CNBD1: variants seen among roughly 807,000 people sequenced by gnomAD.
The protein encoded by CNBD1 is cyclic nucleotide binding domain containing 1, also known as cyclic nucleotide-binding domain-containing protein 1.
A neutral mutation model predicts 54.4 loss-of-function variants in CNBD1; 71 were observed. That is an observed-to-expected ratio of 1.30 (90% CI 1.08 to 1.59). The LOEUF (loss-of-function observed/expected upper bound fraction) is 1.59. Among genes scored for constraint, CNBD1 ranks in the 40% most tolerant of loss-of-function variants. CNBD1 has a pLI of 0.00. For synonymous variants in CNBD1, 182 were observed against 170.7 expected, an observed-to-expected ratio of 1.07 and a Z score of -0.51; for missense variants, 659 against 518.0, an observed-to-expected ratio of 1.27 and a Z score of -2.64.
At chr8:86,951,859 G>T (rs912291849) in intron 4 of CNBD1, among the ~76,000 whole-genome samples, 1 of 151,870 alleles carries the variant, frequency 6.6e-6, no homozygotes, top group Non-Finnish European at 1.5e-5. Flanking sequence ...AAATCAAGCT[G>T]GGAAGTACTT....
chr8:86,978,987 G>T (rs562716208), intron 4 of CNBD1, among the ~76,000 whole-genome samples: 6 of 152,028 alleles, frequency 3.9e-5, no homozygotes, highest in Admixed American at 1.3e-4. Context: ...GTTATACAAT[G>T]TAACTTTTCA....
At chr8:87,224,928 G>A (rs1266248107) in intron 5 of CNBD1, among the ~76,000 whole-genome samples, 2 of 152,234 alleles carry the variant, frequency 1.3e-5, no homozygotes, top group African/African-American at 4.8e-5. Context: ...TTGAGCAGTG[G>A]TTTGTAATTC....
intron 6 of CNBD1, among the ~76,000 whole-genome samples, chr8:87,244,472 G>A (rs1807761449): frequency 6.6e-6 from 1 of 152,052 alleles, no homozygotes; most frequent in Non-Finnish European, 1.5e-5. Flanking sequence ...TCAAGTCAGG[G>A]CATTTAGGGT....
chr8:87,277,410 T>C (rs557263362), intron 6 of CNBD1, among the ~76,000 whole-genome samples: 7 of 151,910 alleles, frequency 4.6e-5, no homozygotes, highest in African/African-American at 1.7e-4. Context: ...AAATCAGAAC[T>C]CATCCAAAGA....
At chr8:87,070,774 A>T (rs1012922533) in intron 4 of CNBD1, among the ~76,000 whole-genome samples, 3 of 152,104 alleles carry the variant, frequency 2.0e-5, no homozygotes, top group African/African-American at 7.2e-5. Context: ...TATTAACCCA[A>T]GCAGTAAATA....
At chr8:87,256,017 T>TATATATA (rs1563526170) in intron 6 of CNBD1, among the ~76,000 whole-genome samples, 9 of 18,860 alleles carry the variant, frequency 4.8e-4, no homozygotes, top group Non-Finnish European at 9.2e-4. Context: ...ATATATATAT[T>TATATATA]TTTTTTTTTT....
intron 4 of CNBD1, among the ~76,000 whole-genome samples, chr8:87,158,805 G>A (rs191861549): frequency 3.6e-4 from 54 of 152,034 alleles, no homozygotes; most frequent in Middle Eastern, 6.8e-3. Flanking sequence ...TCCATCCAAG[G>A]GTTTATATAA....
intron 4 of CNBD1, among the ~76,000 whole-genome samples, chr8:86,978,907 G>T (rs1042376736): frequency 6.6e-6 from 1 of 152,038 alleles, no homozygotes; most frequent in Non-Finnish European, 1.5e-5. Flanking sequence ...CTGGAAAAAA[G>T]TATAATCTAT....
downstream of CNBD1, among the ~76,000 whole-genome samples, chr8:87,386,795 C>A (rs1811199252): frequency 6.6e-6 from 1 of 152,080 alleles, no homozygotes; most frequent in South Asian, 2.1e-4. Context: ...AACTCCAAGA[C>A]ACATAATTGT....
chr8:87,411,742 G>A (rs866934884), intron 2 of CNBD1, among the ~76,000 whole-genome samples: 1 of 150,514 alleles, frequency 6.6e-6, no homozygotes, highest in Non-Finnish European at 1.5e-5. Context: ...GTTATGTACT[G>A]AAAGGGTTCA....
At chr8:87,370,087 A>G (rs1810742622) in intron 10 of CNBD1, among the ~76,000 whole-genome samples, 1 of 151,924 alleles carries the variant, frequency 6.6e-6, no homozygotes, top group Non-Finnish European at 1.5e-5. Context: ...ATAGTATTCC[A>G]TGGTGTATAT....
chr8:87,302,783 CAA>C (rs1319846458), intron 8 of CNBD1, among the ~76,000 whole-genome samples: 1 of 151,978 alleles, frequency 6.6e-6, no homozygotes, highest in African/African-American at 2.4e-5. Flanking sequence ...GCAACTTCAG[CAA>C]AGTCTCAGGT....
At position 86,981,578 on chromosome 8, in the gene CNBD1, A is replaced by G. The variant is rs532521730; in HGVS notation, c.431+41824A>G. On this transcript the variant is annotated intron_variant, in intron 4 of 10. Coordinates refer to ENST00000518476, the MANE Select transcript of CNBD1 (RefSeq NM_173538.3). ...GAGACAGAGTTTTATGCCCCTTTGC[A>G]GTACATCTTCCTGAAACCTTGGCCC... 7.2e-5 allele frequency among the ~76,000 whole-genome samples: 11 copies of G among 152,340 alleles called. No individual in the cohort carries two copies. In the East Asian group the frequency reaches 2.1e-3, roughly 29 times the overall value.
chr8:86,939,442 T>C (rs1464510423), intron 3 of CNBD1, among the ~76,000 whole-genome samples, 154 bp from the exon 4 acceptor site: 3 of 152,312 alleles, frequency 2.0e-5, no homozygotes, highest in East Asian at 1.9e-4. Context: ...ACTATGGAGA[T>C]TGAAACATTC....
At chr8:86,914,984 A>C (rs1457576315) in intron 3 of CNBD1, among the ~76,000 whole-genome samples, 2 of 152,180 alleles carry the variant, frequency 1.3e-5, no homozygotes, top group Non-Finnish European at 2.9e-5. Flanking sequence ...CAAGGCAGGG[A>C]AATTGCAGTA....
intron 4 of CNBD1, among the ~76,000 whole-genome samples, chr8:87,139,067 A>C (rs773339962): frequency 4.6e-5 from 7 of 152,142 alleles, no homozygotes; most frequent in Non-Finnish European, 8.8e-5. Flanking sequence ...TTTTTCATTC[A>C]AATTCTTGTT....
intron 4 of CNBD1, among the ~76,000 whole-genome samples, chr8:87,205,452 AAAAT>A (rs756605597): frequency 6.6e-6 from 1 of 152,202 alleles, no homozygotes; most frequent in African/African-American, 2.4e-5. Context: ...TTAATGATTA[AAAAT>A]AAATAATAAA....
chr8:87,363,248 C>A (rs1353639920), intron 10 of CNBD1, among the ~76,000 whole-genome samples: 1 of 151,718 alleles, frequency 6.6e-6, no homozygotes, highest in Non-Finnish European at 1.5e-5. Context: ...TTTATCCAGT[C>A]TATCAATTGG....
At chr8:87,188,182 C>T (rs920220652) in intron 4 of CNBD1, among the ~76,000 whole-genome samples, 13 of 152,176 alleles carry the variant, frequency 8.5e-5, no homozygotes, top group Non-Finnish European at 1.5e-4. Flanking sequence ...TCATACACCA[C>T]GATCTCTGGG....
Sources: allele counts gnomAD v4.1 joint callset (sites outside exome capture counted in the v4.1 genomes callset), GRCh38; gene constraint gnomAD v4.1.1; transcripts MANE v1.5; gene names NCBI Gene and HGNC (gene_info 2026-07-23, HGNC 2026-07-21).